The following CCSAP variants were observed in gnomAD, a reference collection of about 807,000 sequenced individuals.
CCSAP encodes the protein centriole, cilia and spindle-associated protein.
In CCSAP, 17 loss-of-function variants were observed where a neutral mutation model predicts 25.9. The ratio of observed to expected loss-of-function variants is 0.66; its 90% CI spans 0.45 to 0.99. The LOEUF is 0.99. Among genes scored for constraint, CCSAP ranks in the 50% least tolerant of loss-of-function variants. The pLI is 0.00. For synonymous variants in CCSAP, 169 were observed against 157.1 expected (o/e 1.08, Z -0.57); for missense variants, 339 against 367.8 (o/e 0.92, Z 0.64).
At chr1:229,337,784 A>G (rs1349720615) in intron 2 of CCSAP, among the ~76,000 whole-genome samples, 7 of 148,086 alleles carry the variant, frequency 4.7e-5, no homozygotes, top group South Asian at 2.1e-4. Context: ...AGAATACCTA[A>G]TATGTCTGAC....
intron 2 of CCSAP, among the ~76,000 whole-genome samples, chr1:229,329,034 C>T (rs1298144317): frequency 2.6e-5 from 4 of 152,198 alleles, no homozygotes; most frequent in East Asian, 1.9e-4. Flanking sequence ...TGTGTCCACA[C>T]GCTTTCTCCT....
chr1:229,340,652 G>A, intron 2 of CCSAP: 1 of 432,930 alleles, frequency 2.3e-6, no homozygotes, highest in East Asian at 3.5e-5. Flanking sequence ...GAAGCATCAG[G>A]ATTTGTGGGG....
intron 2 of CCSAP, among the ~76,000 whole-genome samples, chr1:229,339,323 C>G (rs1166529576): frequency 2.0e-5 from 3 of 152,168 alleles, no homozygotes; most frequent in Non-Finnish European, 4.4e-5. Context: ...ACGAGGCAGG[C>G]TGTAACATCA....
At position 229,326,766 on chromosome 1, in the gene CCSAP, T is replaced by C. The variant is rs749087648; in HGVS notation, c.608A>G (p.Asn203Ser). The C allele has an allele frequency of 6.2e-7, 1 of 1,614,188 alleles. No homozygotes were observed. Among genetic ancestry groups the C allele is most frequent in the Admixed American group, 1.7e-5 (1 of 60,030 alleles). Reference protein sequence around the residue: ...QTDTGSQKTHNVCASAPVHEI... With the variant: ...QTDTGSQKTHSVCASAPVHEI... ...GTGCACAGGAGCGGACGCACAGACG[T>C]TGTGAGTCTTCTGGCTTCCTGTATC... The change falls in exon 3 of 4, where the codon AAC becomes AGC. Residue 203 changes from asparagine to serine, a missense_variant. Asn to Ser is a conservative substitution (Grantham distance 46, BLOSUM62 1). Coordinates refer to ENST00000284617, the MANE Select transcript of CCSAP (RefSeq NM_145257.5).
intron 2 of CCSAP, among the ~76,000 whole-genome samples, chr1:229,341,099 CAGG>C (rs1383341633): frequency 6.8e-6 from 1 of 147,394 alleles, no homozygotes; most frequent in African/African-American, 2.5e-5. Flanking sequence ...GAGGCTGAGG[CAGG>C]AGAATGACGT....
At chr1:229,335,070 T>C (rs1658165830) in intron 2 of CCSAP, among the ~76,000 whole-genome samples, 1 of 152,012 alleles carries the variant, frequency 6.6e-6, no homozygotes, top group Non-Finnish European at 1.5e-5. Context: ...TCCCAGCACT[T>C]TGGGAGGACA....
At chr1:229,338,185 A>G (rs1658246672) in intron 2 of CCSAP, among the ~76,000 whole-genome samples, 1 of 152,128 alleles carries the variant, frequency 6.6e-6, no homozygotes, top group Non-Finnish European at 1.5e-5. Flanking sequence ...TAAGATCCTG[A>G]GCTAAATCTT....
chr1:229,333,921 G>C (rs1355712350), intron 2 of CCSAP, among the ~76,000 whole-genome samples: 1 of 152,038 alleles, frequency 6.6e-6, no homozygotes, highest in Non-Finnish European at 1.5e-5. Flanking sequence ...TAATAAAATG[G>C]TTAAAATTGT....
In CCSAP at chr1:229,325,503, C is replaced by T. The variant is rs562017044; in HGVS notation, c.637-92G>A. On this transcript the variant is annotated intron_variant, in intron 3 of 3. Coordinates refer to ENST00000284617, the MANE Select transcript of CCSAP (RefSeq NM_145257.5). ...GCAATGAAGCTGGCTACTGCCAGGTCAACTGCAGCAGGGCAGAGTCAAGCC... is the reference window on the plus strand; with the variant it reads ...GCAATGAAGCTGGCTACTGCCAGGTTAACTGCAGCAGGGCAGAGTCAAGCC... 2.1e-5 allele frequency: 25 copies of T among 1,200,410 alleles called. No individual in the cohort carries two copies. The African/African-American group carries it at 2.9e-4, about 14-fold the overall frequency. The allele number at this position is 1,200,410 out of a possible 1,614,324, so 74.4% of individuals were successfully genotyped here.
At chr1:229,336,284 C>T (rs1033976509) in intron 2 of CCSAP, among the ~76,000 whole-genome samples, 1 of 151,734 alleles carries the variant, frequency 6.6e-6, no homozygotes, top group African/African-American at 2.4e-5. Flanking sequence ...TCCTCTCCTA[C>T]CCAGAAGGTC....
At chr1:229,338,334 G>A (rs866929837) in intron 2 of CCSAP, among the ~76,000 whole-genome samples, 10 of 152,150 alleles carry the variant, frequency 6.6e-5, no homozygotes, top group African/African-American at 2.4e-4. Context: ...GTGGGAAATG[G>A]GGCAGGATCA....
intron 2 of CCSAP, among the ~76,000 whole-genome samples, chr1:229,340,112 G>A (rs1387891084): frequency 1.3e-5 from 2 of 152,122 alleles, no homozygotes; most frequent in Non-Finnish European, 2.9e-5. Flanking sequence ...TATGGCTTCA[G>A]GGAAAGTAAA....
intron 2 of CCSAP, among the ~76,000 whole-genome samples, chr1:229,328,480 T>TG (rs1657998183): frequency 5.1e-5 from 1 of 19,800 alleles, no homozygotes; most frequent in Non-Finnish European, 1.2e-4. Context: ...TACAAAAAAA[T>TG]TTTTTTTGTA....
rs1657909354 is a variant in CCSAP, at chr1:229,325,057, C to T, written c.*178G>A. 1 of 546,020 alleles carries T rather than the reference C, an allele frequency of 1.8e-6. No individual in the cohort carries two copies. Among genetic ancestry groups the T allele is most frequent in the South Asian group, 2.8e-5 (1 of 35,754 alleles). 33.8% of individuals were successfully genotyped at this position (546,020 alleles called of 1,614,324 possible). On this transcript the variant is annotated 3_prime_UTR_variant, in exon 4 of 4. Transcript: ENST00000284617. ...TGGCTTCAACTGTCTGCCCTACTGC[C>T]GAGGTAGGTGACCAATATTCATCAA...
At chr1:229,333,430 C>CTAA (rs773509234) in intron 2 of CCSAP, among the ~76,000 whole-genome samples, 44 of 50,274 alleles carry the variant, frequency 8.8e-4, no homozygotes, top group Non-Finnish European at 1.3e-3. Flanking sequence ...GAGACTCCAT[C>CTAA]GAAAAAAAAA....
At chr1:229,330,833 T>TAA (rs1553304645) in intron 2 of CCSAP, among the ~76,000 whole-genome samples, 158 of 118,206 alleles carry the variant, frequency 1.3e-3, no homozygotes, top group African/African-American at 4.4e-3. Flanking sequence ...CAACTCCATC[T>TAA]AAAAAAAAAA....
At chr1:229,340,777 A>G (rs1658311878) in intron 2 of CCSAP, 1 of 248,698 alleles carries the variant, frequency 4.0e-6, no homozygotes, top group African/African-American at 2.2e-5. Flanking sequence ...CCGAAATTTC[A>G]TCTCCTCCTC....
chr1:229,321,094 G>A lies in CCSAP; in HGVS notation c.*4141C>T, dbSNP rs1657807607. 6.6e-6 allele frequency: 1 copy of A among 152,142 alleles called. No homozygotes were observed. Among genetic ancestry groups the A allele is most frequent in the South Asian group, 2.1e-4 (1 of 4,830 alleles). 9.4% of individuals were successfully genotyped at this position (152,142 alleles called of 1,614,324 possible). A position where few individuals can be genotyped will look rare whatever the true frequency, so the allele number is the denominator to read the frequency against. On this transcript the variant is annotated 3_prime_UTR_variant, in exon 4 of 4. Transcript: ENST00000284617. ...AGCTAAAAACAATACATAGTTCTTA[G>A]AAAATACAACCCCGAATTATTGTGT...
intron 2 of CCSAP, among the ~76,000 whole-genome samples, chr1:229,341,811 G>A (rs1280699077): frequency 6.6e-6 from 1 of 152,062 alleles, no homozygotes; most frequent in Non-Finnish European, 1.5e-5. Flanking sequence ...GGGATTCAGA[G>A]GTTTGCCAAG....
Sources: allele counts gnomAD v4.1 joint callset (sites outside exome capture counted in the v4.1 genomes callset), GRCh38; gene constraint gnomAD v4.1.1; transcripts MANE v1.5; gene names NCBI Gene and HGNC (gene_info 2026-07-23, HGNC 2026-07-21).